The following DLC1 variants were observed in gnomAD, a reference collection of about 807,000 sequenced individuals.
DLC1 encodes the protein DLC1 Rho GTPase activating protein.
Under a neutral mutation model 140.3 loss-of-function variants are expected in DLC1, and 54 were observed. The ratio of observed to expected loss-of-function variants is 0.38; its 90% confidence interval spans 0.31 to 0.48. DLC1 has a LOEUF of 0.48. Among genes scored for constraint, DLC1 ranks in the 20% least tolerant of loss-of-function variants. The pLI, the probability that DLC1 is intolerant of heterozygous loss-of-function variation, is 0.96. For missense variants in DLC1, 2,536 were observed against 1,907.0 expected (o/e 1.33, Z -6.14); for synonymous variants, 986 against 728.1 (o/e 1.35, Z -5.70).
At chr8:13,181,490 C>T (rs1435231092) in intron 5 of DLC1, among the ~76,000 whole-genome samples, 1 of 150,304 alleles carries the variant, frequency 6.7e-6, no homozygotes, top group Non-Finnish European at 1.5e-5. Flanking sequence ...TCCCCCAGCC[C>T]CCCACCCCAT....
chr8:13,131,902 C>G (rs997837340), intron 5 of DLC1, among the ~76,000 whole-genome samples: 1 of 152,062 alleles, frequency 6.6e-6, no homozygotes, highest in South Asian at 2.1e-4. Context: ...GAAGGACGCT[C>G]GCGGACGCAG....
intron 4 of DLC1, among the ~76,000 whole-genome samples, chr8:13,360,080 A>G (rs901915278): frequency 2.6e-5 from 4 of 152,210 alleles, no homozygotes; most frequent in African/African-American, 9.6e-5. Context: ...GCCTATCCCC[A>G]CAGGAGACAG....
intron 5 of DLC1, among the ~76,000 whole-genome samples, chr8:13,244,648 C>T (rs1829685546): frequency 6.6e-6 from 1 of 152,126 alleles, no homozygotes; most frequent in Admixed American, 6.5e-5. Flanking sequence ...TACCAAATTG[C>T]ACACACCAAG....
intron 4 of DLC1, among the ~76,000 whole-genome samples, chr8:13,381,432 C>G (rs187342554): frequency 6.6e-6 from 1 of 152,146 alleles, no homozygotes; most frequent in African/African-American, 2.4e-5. Context: ...GTAGATATGT[C>G]TGGTAGAGTC....
intron 4 of DLC1, among the ~76,000 whole-genome samples, chr8:13,372,469 T>G (rs1295863959): frequency 1.3e-5 from 2 of 152,202 alleles, no homozygotes; most frequent in African/African-American, 2.4e-5. Context: ...CAAATTCTTC[T>G]GTGTTGACAT....
chr8:13,191,883 C>T (rs770468796), intron 5 of DLC1, among the ~76,000 whole-genome samples: 23 of 151,698 alleles, frequency 1.5e-4, no homozygotes, highest in Admixed American at 5.9e-4. Flanking sequence ...TGACCTCTCT[C>T]GTCTCCTTTT....
intron 5 of DLC1, among the ~76,000 whole-genome samples, chr8:13,155,606 C>T (rs1019003614): frequency 1.8e-4 from 27 of 151,762 alleles, no homozygotes; most frequent in Admixed American, 2.0e-4. Flanking sequence ...TGATAAGTTC[C>T]CATATATTTT....
At chr8:13,087,667 C>T (rs575384031) in intron 16 of DLC1, among the ~76,000 whole-genome samples, 155 of 152,266 alleles carry the variant, frequency 1.0e-3, no homozygotes, top group African/African-American at 3.6e-3. Flanking sequence ...TAGCTTAAAA[C>T]CATTTTTCTA....
At chr8:13,518,418 C>A (rs1475758380), upstream of DLC1, among the ~76,000 whole-genome samples, 1 of 152,118 alleles carries the variant, frequency 6.6e-6, no homozygotes, top group African/African-American at 2.4e-5. Flanking sequence ...CTAAAGATCT[C>A]TTTTCTACTT....
At chr8:13,108,252 T>A (rs1417613463) in intron 7 of DLC1, among the ~76,000 whole-genome samples, 2 of 152,108 alleles carry the variant, frequency 1.3e-5, no homozygotes, top group African/African-American at 2.4e-5. Flanking sequence ...ATTTCCTTTT[T>A]TAAAAAAGAA....
chr8:13,516,699 C>T (rs898052607), upstream of DLC1, among the ~76,000 whole-genome samples: 1 of 152,236 alleles, frequency 6.6e-6, no homozygotes, highest in South Asian at 2.1e-4. Flanking sequence ...AATCTTCAAC[C>T]ATAGGCCAAG....
intron 5 of DLC1, among the ~76,000 whole-genome samples, chr8:13,298,250 A>G (rs562809180): frequency 2.0e-5 from 3 of 152,318 alleles, no homozygotes; most frequent in Middle Eastern, 3.4e-3. Context: ...GACCAAGGAA[A>G]GCAACCAAAG....
chr8:13,371,695 T>G (rs1835737957), intron 4 of DLC1, among the ~76,000 whole-genome samples: 3 of 152,152 alleles, frequency 2.0e-5, no homozygotes, highest in Non-Finnish European at 4.4e-5. Flanking sequence ...TGTAACACCT[T>G]CAGCTAATTC....
Position 13,500,066 on chromosome 8 carries a change from A to C in DLC1, c.6T>G (p.Ser2=). The part of the protein sequence containing the change: M[S]VAIRKRSWEE... ...CCCAGCTTCTCTTTCTGATAGCTAC[A>C]GACATGTCATCGTAGTTTAACAACA... Residue 2 remains serine, a synonymous_variant, in exon 2 of 18, where the codon TCT becomes TCG. Transcript: ENST00000276297. The C allele has an allele frequency of 6.2e-7, 1 of 1,612,722 alleles. No homozygotes were observed. Among genetic ancestry groups the C allele is most frequent in the Non-Finnish European group, 8.5e-7 (1 of 1,178,944 alleles).
intron 3 of DLC1, among the ~76,000 whole-genome samples, chr8:13,394,728 G>C (rs146017764): frequency 8.5e-5 from 13 of 152,186 alleles, no homozygotes; most frequent in African/African-American, 2.6e-4. Context: ...TCTTAGCTTT[G>C]CCATTCTCTT....
intron 5 of DLC1, among the ~76,000 whole-genome samples, chr8:13,245,854 C>G (rs1330901753): frequency 6.6e-6 from 1 of 151,954 alleles, no homozygotes. Context: ...GTGCCCACCA[C>G]CACTCCCGGC....
chr8:13,090,261 G>C lies in DLC1; in HGVS notation c.4065C>G (p.Ser1355=), dbSNP rs760982580. Reference sequence around the variant, plus strand: ...CAGGGTGAAGCCTTACCTTCTTATAGGACAGCTCAGCCTGCTCCGAAGTGG... The same window carrying C: ...CAGGGTGAAGCCTTACCTTCTTATACGACAGCTCAGCCTGCTCCGAAGTGG... ...SYSTSEQAEL[S]YKKVSEGPPL... is the part of the protein sequence containing the mutation. Residue 1355 remains serine, a synonymous_variant, in exon 15 of 18, where the codon TCC becomes TCG. Transcript: ENST00000276297. 1.9e-6 allele frequency: 3 copies of C among 1,613,970 alleles called. No individual in the cohort carries two copies. The highest frequency in any genetic ancestry group is 1.7e-4 in the Middle Eastern group (1 of 6,060).
At chr8:13,237,213 G>A (rs1174797879) in intron 5 of DLC1, among the ~76,000 whole-genome samples, 1 of 129,060 alleles carries the variant, frequency 7.7e-6, no homozygotes, top group Non-Finnish European at 1.7e-5. Context: ...GTGTGTGTGT[G>A]TGTGTGTGTG....
chr8:13,362,088 A>T (rs975812787), intron 4 of DLC1, among the ~76,000 whole-genome samples: 1 of 152,226 alleles, frequency 6.6e-6, no homozygotes, highest in African/African-American at 2.4e-5. Flanking sequence ...TCAGGCTCTG[A>T]AGGAGGAAAG....
Sources: allele counts gnomAD v4.1 joint callset (sites outside exome capture counted in the v4.1 genomes callset), GRCh38; gene constraint gnomAD v4.1.1; transcripts MANE v1.5; gene names NCBI Gene and HGNC (gene_info 2026-07-23, HGNC 2026-07-21).